Variants in LOC112267897 observed in about 807,000 individuals in gnomAD.
At chr13:63,747,014 T>C in the LOC112267897 span, 2 of 1,556,380 alleles carry the variant, frequency 1.3e-6, no homozygotes, top group South Asian at 2.2e-5. Context: ...CAGCTGTGGC[T>C]ATGGCTCTGG....
the LOC112267897 span, chr13:63,746,818 C>T: frequency 1.5e-4 from 221 of 1,469,300 alleles, 1 homozygote; most frequent in South Asian, 1.9e-3. Context: ...GCAACTACTA[C>T]GGCAACTCCT....
At chr13:63,747,012 G>A in the LOC112267897 span, 3 of 1,549,372 alleles carry the variant, frequency 1.9e-6, no homozygotes, top group Non-Finnish European at 1.8e-6. Context: ...TACAGCTGTG[G>A]CTATGGCTCT....
the LOC112267897 span, chr13:63,747,101 G>C: frequency 6.2e-7 from 1 of 1,603,916 alleles, no homozygotes; most frequent in African/African-American, 1.4e-5. Context: ...CTGTGGTTAT[G>C]GAACTGGCTA....
chr13:63,746,779 T>C, the LOC112267897 span: 5 of 1,433,164 alleles, frequency 3.5e-6, no homozygotes, highest in South Asian at 5.8e-5. Context: ...GAAACCCATC[T>C]CAATTCTCTC....
chr13:63,746,955 A>T, the LOC112267897 span: 1 of 1,406,878 alleles, frequency 7.1e-7, no homozygotes, highest in African/African-American at 1.4e-5. Flanking sequence ...GGCTCTGGTT[A>T]TGGCTGTGGC....
At chr13:63,747,147 G>T in the LOC112267897 span, 1 of 1,589,062 alleles carries the variant, frequency 6.3e-7, no homozygotes, top group South Asian at 1.1e-5. Flanking sequence ...GGCTACTGTG[G>T]CTACCGGCCA....
the LOC112267897 span, chr13:63,746,904 G>A: frequency 6.9e-7 from 1 of 1,455,300 alleles, no homozygotes; most frequent in Non-Finnish European, 9.6e-7. Flanking sequence ...TATGGCTGTG[G>A]CTATGGAACT....
At chr13:63,747,797 T>A in the LOC112267897 span, 1 of 130,344 alleles carries the variant, frequency 7.7e-6, no homozygotes, top group Non-Finnish European at 1.5e-5. Flanking sequence ...ATTATTATTA[T>A]TATTTTATAC....
chr13:63,747,045 C>A, the LOC112267897 span: 1 of 1,597,642 alleles, frequency 6.3e-7, no homozygotes, highest in Non-Finnish European at 8.6e-7. Flanking sequence ...GGCTATGGCT[C>A]TGGCTCTGGC....
At chr13:63,747,775 A>G in the LOC112267897 span, 2 of 129,698 alleles carry the variant, frequency 1.5e-5, no homozygotes, top group Admixed American at 1.5e-4. Context: ...CTGTTTTATT[A>G]TTATTATTAT....
the LOC112267897 span, chr13:63,747,134 T>A: frequency 6.3e-7 from 1 of 1,596,066 alleles, no homozygotes; most frequent in Non-Finnish European, 8.6e-7. Context: ...TGGCTCTGGC[T>A]CTGGCTACTG....
chr13:63,747,180 C>T, the LOC112267897 span: 15 of 1,557,914 alleles, frequency 9.6e-6, no homozygotes, highest in African/African-American at 1.5e-5. Context: ...AGATGCTATT[C>T]TTCCTGCTAA....
At chr13:63,748,054 A>G in the LOC112267897 span, 1 of 29,126 alleles carries the variant, frequency 3.4e-5, no homozygotes, top group South Asian at 1.1e-3. Context: ...AATTTTCAGA[A>G]CATATCCCTG....
At chr13:63,747,126 G>T in the LOC112267897 span, 12 of 1,595,680 alleles carry the variant, frequency 7.5e-6, no homozygotes, top group East Asian at 1.8e-4. Flanking sequence ...TGTGGATGTG[G>T]CTCTGGCTCT....
the LOC112267897 span, chr13:63,747,097 T>G: frequency 6.2e-7 from 1 of 1,603,570 alleles, no homozygotes; most frequent in Admixed American, 1.7e-5. Flanking sequence ...ATGGCTGTGG[T>G]TATGGAACTG....
At chr13:63,746,919 A>G in the LOC112267897 span, 2 of 1,457,956 alleles carry the variant, frequency 1.4e-6, no homozygotes, top group East Asian at 2.3e-5. Context: ...GGAACTGGCT[A>G]CAGCTGTGGC....
chr13:63,747,614 C>T, the LOC112267897 span: 1 of 169,136 alleles, frequency 5.9e-6, no homozygotes, highest in Non-Finnish European at 9.8e-6. Context: ...GTATTTTATA[C>T]ATTTACCCTA....
the LOC112267897 span, chr13:63,747,079 C>T: frequency 6.2e-7 from 1 of 1,605,530 alleles, no homozygotes; most frequent in Non-Finnish European, 8.5e-7. Flanking sequence ...CTGGCTTCGG[C>T]TGTGGGTATG....
chr13:63,746,743 C>T, the LOC112267897 span: 15 of 1,285,168 alleles, frequency 1.2e-5, no homozygotes, highest in Non-Finnish European at 1.5e-5. Flanking sequence ...AAGTAGAAGA[C>T]GTCCACACCT....
Sources: allele counts gnomAD v4.1 joint callset, GRCh38; gene constraint gnomAD v4.1.1; transcripts MANE v1.5.